SND1: variants seen among roughly 807,000 people sequenced by gnomAD.
The protein encoded by SND1 is staphylococcal nuclease and tudor domain containing 1, also known as staphylococcal nuclease domain-containing protein 1.
Under a neutral mutation model 121.7 loss-of-function variants are expected in SND1, and 38 were observed. That is an observed-to-expected ratio of 0.31 (90% CI 0.24 to 0.41). The LOEUF is 0.41. SND1 is among the 10% of genes least tolerant of loss of function. The pLI is 1.00. For missense variants in SND1, 868 were observed against 1,184.6 expected (o/e 0.73, Z 3.92); for synonymous variants, 401 against 447.4 (o/e 0.90, Z 1.31).
intron 11 of SND1, among the ~76,000 whole-genome samples, chr7:127,827,222 T>G (rs1315583509): frequency 6.6e-6 from 1 of 152,194 alleles, no homozygotes; most frequent in African/African-American, 2.4e-5. Flanking sequence ...TCATTCTGAT[T>G]TAAAGTAAAG....
At chr7:127,716,432 G>A (rs1020427897) in intron 9 of SND1, among the ~76,000 whole-genome samples, 3 of 149,314 alleles carry the variant, frequency 2.0e-5, no homozygotes, top group East Asian at 3.9e-4. Context: ...CCTTGGTTGA[G>A]TTAATTCCTA....
chr7:127,714,486 C>G (rs1796351844), intron 9 of SND1, among the ~76,000 whole-genome samples: 1 of 152,076 alleles, frequency 6.6e-6, no homozygotes, highest in Non-Finnish European at 1.5e-5. Flanking sequence ...TTTATAATGA[C>G]AAAATTCATA....
intron 1 of SND1, among the ~76,000 whole-genome samples, chr7:127,670,116 G>T (rs1414743899): frequency 6.6e-6 from 1 of 151,624 alleles, no homozygotes; most frequent in Non-Finnish European, 1.5e-5. Context: ...TCACCCTCCT[G>T]AGTAGCTGGG....
At chr7:127,830,660 G>A (rs1221575929) in intron 11 of SND1, among the ~76,000 whole-genome samples, 1 of 151,994 alleles carries the variant, frequency 6.6e-6, no homozygotes, top group Non-Finnish European at 1.5e-5. Context: ...TTAATTCATG[G>A]AAAGTGCTGT....
intron 10 of SND1, among the ~76,000 whole-genome samples, chr7:127,733,850 C>A (rs1003162614): frequency 1.3e-5 from 2 of 152,158 alleles, no homozygotes; most frequent in Admixed American, 1.3e-4. Context: ...CTGAGAGGCA[C>A]AGGTGCATGC....
At chr7:127,681,633 C>T (rs911205827) in intron 1 of SND1, among the ~76,000 whole-genome samples, 1 of 152,148 alleles carries the variant, frequency 6.6e-6, no homozygotes, top group African/African-American at 2.4e-5. Flanking sequence ...ATTTAGGTCT[C>T]TGGTCCTTTT....
Position 128,029,189 on chromosome 7 carries a change from C to T in SND1, c.1779+38133C>T, listed in dbSNP as rs1004638703. ...CCGTGGTAGAGGTGGTATATGCCGG[C>T]TGGTAACCAGTGGACGTGGTAGGAA... On this transcript the variant is annotated intron_variant, in intron 16 of 23. Transcript: ENST00000354725. The surrounding 1 kb of genome is among the most constrained non-coding windows in gnomAD (Gnocchi z 4.2). The T allele has an allele frequency of 3.1e-6, 5 of 1,614,120 alleles. No homozygotes were observed. The highest frequency in any genetic ancestry group is 4.2e-6 in the Non-Finnish European group (5 of 1,180,038).
intron 15 of SND1, among the ~76,000 whole-genome samples, chr7:127,955,024 G>C (rs12536253): frequency 0.27 from 40,574 of 152,022 alleles, 6,135 homozygotes; most frequent in African/African-American, 0.39. Context: ...TCCCTGCCCT[G>C]TTGCTGGCAC....
intron 13 of SND1, among the ~76,000 whole-genome samples, chr7:127,895,596 G>T (rs577038927): frequency 3.3e-5 from 5 of 152,086 alleles, no homozygotes. Context: ...TCGCTGTTGG[G>T]GAGTAGGGAA....
rs778147999 is a variant in SND1 at position 127,652,422 on chromosome 7, C to G, written c.49C>G (p.Pro17Ala). Residue 17 changes from proline (P) to alanine (A), a missense_variant, in exon 1 of 24, where the codon CCC (proline) becomes GCC (alanine). By Grantham distance (27) the Pro-to-Ala change is conservative (BLOSUM62 -1). Around this residue, in one of 2 missense-constraint regions of SND1, gnomAD observed 125 missense variants for 113.3 expected, o/e 1.10. Coordinates refer to ENST00000354725, the MANE Select transcript of SND1 (RefSeq NM_014390.4). ...SGGSSGGPAV[P>A]TVQRGIIKMV... ...CGGCTCCTCCGGGGGACCCGCGGTC[C>G]CCACCGTGCAGCGGGGCATCATCAA... The G allele has an allele frequency of 6.4e-7, 1 of 1,570,318 alleles. No individual in the cohort carries two copies. The highest frequency in any genetic ancestry group is 1.3e-5 in the African/African-American group (1 of 74,720).
chr7:127,966,171 C>T (rs547608339), intron 15 of SND1, among the ~76,000 whole-genome samples: 209 of 151,440 alleles, frequency 1.4e-3, no homozygotes, highest in Non-Finnish European at 1.8e-3. Context: ...GTCTTGCTAG[C>T]GGTCTATCAA....
intron 15 of SND1, among the ~76,000 whole-genome samples, chr7:127,964,720 A>G (rs1246497998): frequency 1.3e-5 from 2 of 148,492 alleles, no homozygotes; most frequent in African/African-American, 2.5e-5. Context: ...TTGGCTTAGG[A>G]TTGACTTGGC....
intron 16 of SND1, chr7:128,026,952 CT>C (rs1252985636): frequency 6.6e-6 from 1 of 152,156 alleles, no homozygotes; most frequent in Non-Finnish European, 1.5e-5. Flanking sequence ...TAACATTTGT[CT>C]TTCCCCCATC....
At chr7:127,795,705 G>A (rs1350825364) in intron 10 of SND1, among the ~76,000 whole-genome samples, 1 of 152,126 alleles carries the variant, frequency 6.6e-6, no homozygotes, top group African/African-American at 2.4e-5. Flanking sequence ...TGATTATTTG[G>A]ATTTTGTAAA....
intron 10 of SND1, among the ~76,000 whole-genome samples, chr7:127,726,187 C>A (rs541932867): frequency 5.9e-4 from 90 of 152,292 alleles, no homozygotes; most frequent in African/African-American, 2.1e-3. Context: ...TCCAATATTA[C>A]CCGGAAATTC....
chr7:128,039,281 T>C (rs1395744514), intron 16 of SND1, among the ~76,000 whole-genome samples: 2 of 152,254 alleles, frequency 1.3e-5, no homozygotes, highest in Admixed American at 6.5e-5. Context: ...GGGCTGTCTA[T>C]TGTGCATCCC....
At chr7:128,041,259 AC>A (rs939563365) in intron 16 of SND1, among the ~76,000 whole-genome samples, 3 of 151,134 alleles carry the variant, frequency 2.0e-5, no homozygotes, top group Non-Finnish European at 4.4e-5. Flanking sequence ...ATATAATGAG[AC>A]CCCCCATCTC....
chr7:128,068,760 G>T (rs1793359639), intron 16 of SND1, among the ~76,000 whole-genome samples: 1 of 152,214 alleles, frequency 6.6e-6, no homozygotes, highest in East Asian at 1.9e-4. Flanking sequence ...CCACAGCTCG[G>T]CTGGGTGATC....
intron 16 of SND1, among the ~76,000 whole-genome samples, chr7:128,071,065 T>C (rs322839): frequency 0.38 from 57,394 of 152,070 alleles, 11,264 homozygotes; most frequent in African/African-American, 0.45. Context: ...TTTTTGTTGG[T>C]GGTTTCACAG....
Sources: allele counts gnomAD v4.1 joint callset (sites outside exome capture counted in the v4.1 genomes callset), GRCh38; gene constraint gnomAD v4.1.1; regional missense constraint gnomAD v4.1.1; non-coding constraint Gnocchi (gnomAD v3.1); transcripts MANE v1.5; gene names NCBI Gene and HGNC (gene_info 2026-07-23, HGNC 2026-07-21).